Variants in FOXL2NB observed in about 807,000 individuals in gnomAD.
The protein encoded by FOXL2NB is FOXL2 neighbor, also known as FOXL2 neighbor protein.
FOXL2NB carries 10 observed loss-of-function variants against 7.4 expected under a neutral mutation model. The ratio of observed to expected loss-of-function variants is 1.34; its 90% CI spans 0.83 to 2.28. The LOEUF is 2.28. Among genes scored for constraint, FOXL2NB ranks in the 30% most tolerant of loss-of-function variants. FOXL2NB has a pLI of 0.00. For missense variants in FOXL2NB, 228 were observed against 233.9 expected (o/e 0.97, Z 0.17); for synonymous variants, 104 against 105.3 (o/e 0.99, Z 0.08).
intron 1 of FOXL2NB, among the ~76,000 whole-genome samples, chr3:138,948,496 G>A (rs1303570341): frequency 6.6e-6 from 1 of 152,232 alleles, no homozygotes; most frequent in East Asian, 1.9e-4. Context: ...GAGATGGCCA[G>A]TGTTTTGAAT....
Position 138,947,744 on chromosome 3 carries a change from T to G in FOXL2NB, c.100+280T>G. ...TCAGGGGCGCCGCCTGAATCACCTC[T>G]GCCTCTCCCTGCGTTACCAGTGGAT... On this transcript the variant is annotated intron_variant, in intron 1 of 2. Coordinates refer to ENST00000383165, the MANE Select transcript of FOXL2NB (RefSeq NM_001040061.3). The surrounding 1 kb of genome is among the most constrained non-coding windows in gnomAD (Gnocchi z 5.2). 1 of 1,166,324 alleles carries G rather than the reference T, an allele frequency of 8.6e-7. No homozygotes were observed. The highest frequency in any genetic ancestry group is 1.6e-5 in the African/African-American group (1 of 62,098). The allele number at this position is 1,166,324 out of a possible 1,614,324, so 72.2% of individuals were successfully genotyped here. A position where few individuals can be genotyped will look rare whatever the true frequency, so the allele number is the denominator to read the frequency against.
In FOXL2NB at chr3:138,949,544, G is replaced by A; in HGVS notation, c.125G>A (p.Arg42Lys). The change falls in exon 2 of 3, where the codon AGG becomes AAG. Residue 42 changes from arginine (R) to lysine (K), a missense_variant. Transcript: ENST00000383165. This position sits in a 1 kb window ranked among gnomAD's most constrained non-coding sequence, Gnocchi z 4.5. ...LSESPALVKK[R>K]MPDACTLGRA... ...GAATCCCCAGCCCTGGTGAAGAAGA[G>A]GATGCCTGATGCGTGCACCCTGGGA... The A allele has an allele frequency of 6.2e-7, 1 of 1,614,128 alleles. No individual in the cohort carries two copies. The highest frequency in any genetic ancestry group is 8.5e-7 in the Non-Finnish European group (1 of 1,180,016).
chr3:138,947,629 T>C lies in FOXL2NB; in HGVS notation c.100+165T>C. 3 of 1,392,340 alleles carry C rather than the reference T, an allele frequency of 2.2e-6. No homozygotes were observed. The highest frequency in any genetic ancestry group is 3.0e-5 in the African/African-American group (2 of 67,132). The allele number at this position is 1,392,340 out of a possible 1,614,324, so 86.2% of individuals were successfully genotyped here. A position where few individuals can be genotyped will look rare whatever the true frequency, so the allele number is the denominator to read the frequency against. On this transcript the variant is annotated intron_variant, in intron 1 of 2. Transcript: ENST00000383165. This position sits in a 1 kb window ranked among gnomAD's most constrained non-coding sequence, Gnocchi z 5.2. The stretch of plus-strand genomic sequence containing the variant: ...GTCAGCCCAGAAACGGGTGTGACTG[T>C]ACGAAGAAGCCTCGGCCTGGCCTGT...
rs1446819252 is a variant in FOXL2NB at position 138,949,723 on chromosome 3, G to A, written c.220+84G>A. The A allele has an allele frequency of 6.3e-7, 1 of 1,587,794 alleles. No homozygotes were observed. Among genetic ancestry groups the A allele is most frequent in the East Asian group, 2.2e-5 (1 of 44,740 alleles). ...TTCTGCGGAAAAGCCAGGGGCTTCG[G>A]GCTGGAGATAGAGGAATCTAGGGAG... On this transcript the variant is annotated intron_variant, in intron 2 of 2. Coordinates refer to ENST00000383165, the MANE Select transcript of FOXL2NB (RefSeq NM_001040061.3). This position sits in a 1 kb window ranked among gnomAD's most constrained non-coding sequence, Gnocchi z 4.5.
intron 2 of FOXL2NB, 159 bp from the exon 3 acceptor site, chr3:138,950,106 C>G: frequency 3.6e-6 from 3 of 824,728 alleles, no homozygotes; most frequent in Non-Finnish European, 6.1e-6. Flanking sequence ...TGACCGTGGT[C>G]CCACCGTAGC....
rs1936017399 is a variant in FOXL2NB, at chr3:138,947,655, C to G, written c.100+191C>G. 5 of 1,360,722 alleles carry G rather than the reference C, an allele frequency of 3.7e-6. No homozygotes were observed. Among genetic ancestry groups the G allele is most frequent in the Non-Finnish European group, 4.7e-6 (5 of 1,060,698 alleles). 84.3% of individuals were successfully genotyped at this position (1,360,722 alleles called of 1,614,324 possible). On this transcript the variant is annotated intron_variant, in intron 1 of 2. Coordinates refer to ENST00000383165, the MANE Select transcript of FOXL2NB (RefSeq NM_001040061.3). This position sits in a 1 kb window ranked among gnomAD's most constrained non-coding sequence, Gnocchi z 5.2. Reference sequence around the variant, plus strand: ...ACGAAGAAGCCTCGGCCTGGCCTGTCCCTCGCGCTCTCAGAGTGACTGGGC... The same window carrying G: ...ACGAAGAAGCCTCGGCCTGGCCTGTGCCTCGCGCTCTCAGAGTGACTGGGC...
Position 138,950,628 on chromosome 3 carries a change from C to A in FOXL2NB, c.*56C>A. On this transcript the variant is annotated 3_prime_UTR_variant, in exon 3 of 3. Transcript: ENST00000383165. ...CTGTCAGCACTCACTCCCTCCCGGC[C>A]CCTCACAGGGCCCTTTGCACCCACA... is the stretch of plus-strand genomic sequence containing the variant. 1 of 1,592,488 alleles carries A rather than the reference C, an allele frequency of 6.3e-7. No homozygotes were observed. The highest frequency in any genetic ancestry group is 8.6e-7 in the Non-Finnish European group (1 of 1,167,214).
chr3:138,947,326 G>A lies in FOXL2NB; in HGVS notation c.-39G>A. 6.6e-7 allele frequency: 1 copy of A among 1,510,372 alleles called. No homozygotes were observed. The highest frequency in any genetic ancestry group is 9.0e-7 in the Non-Finnish European group (1 of 1,115,758). 93.6% of individuals were successfully genotyped at this position (1,510,372 alleles called of 1,614,324 possible). A position where few individuals can be genotyped will look rare whatever the true frequency, so the allele number is the denominator to read the frequency against. On this transcript the variant is annotated 5_prime_UTR_variant, in exon 1 of 3. Coordinates refer to ENST00000383165, the MANE Select transcript of FOXL2NB (RefSeq NM_001040061.3). The surrounding 1 kb of genome is among the most constrained non-coding windows in gnomAD (Gnocchi z 5.2). ...CCGACAGCCAGGCTCACGCGCCCTT[G>A]AAATCTGCCGGTACTCGCTCTGCGG... is the stretch of plus-strand genomic sequence containing the variant.
rs1165975023 is a variant in FOXL2NB, at chr3:138,950,251, G to A, written c.221-14G>A. The stretch of plus-strand genomic sequence containing the variant: ...CAATCTACACGGCTCTGATACAGAC[G>A]CTTTTCTCCCCAGGGCCGGGAATCC... On this transcript the variant is annotated splice_polypyrimidine_tract_variant and intron_variant, in intron 2 of 2. Coordinates refer to ENST00000383165, the MANE Select transcript of FOXL2NB (RefSeq NM_001040061.3). 2 of 1,601,522 alleles carry A rather than the reference G, an allele frequency of 1.2e-6. No homozygotes were observed. The highest frequency in any genetic ancestry group is 1.8e-5 in the Admixed American group (1 of 56,412).
In FOXL2NB at chr3:138,952,935, G is replaced by A. The variant is rs752736084; in HGVS notation, c.*2363G>A. 1 of 151,888 alleles carries A rather than the reference G, an allele frequency of 6.6e-6. No individual in the cohort carries two copies. The highest frequency in any genetic ancestry group is 1.5e-5 in the Non-Finnish European group (1 of 67,998). 9.4% of individuals were successfully genotyped at this position (151,888 alleles called of 1,614,324 possible). On this transcript the variant is annotated 3_prime_UTR_variant, in exon 3 of 3. Transcript: ENST00000383165. Reference sequence around the variant, plus strand: ...TGAGATTTTGGTGCACTTGTCACCCGAGCATTGTACACGGTACCCAGTGTG... The same window carrying A: ...TGAGATTTTGGTGCACTTGTCACCCAAGCATTGTACACGGTACCCAGTGTG...
In FOXL2NB at chr3:138,947,451, C is replaced by T; in HGVS notation, c.87C>T (p.Ser29=). The T allele has an allele frequency of 7.1e-6, 11 of 1,543,894 alleles. No homozygotes were observed. The highest frequency in any genetic ancestry group is 8.8e-6 in the Non-Finnish European group (10 of 1,142,182). The change falls in exon 1 of 3, where the codon TCC becomes TCT. Residue 29 remains serine, a synonymous_variant. Coordinates refer to ENST00000383165, the MANE Select transcript of FOXL2NB (RefSeq NM_001040061.3). The surrounding 1 kb of genome is among the most constrained non-coding windows in gnomAD (Gnocchi z 5.2). The part of the protein sequence containing the change: ...GPQRGKALQA[S]SRLSESPALV... ...AGCGAGGAAAGGCGCTCCAAGCCTC[C>T]TCGCGGCTTTCAGGTGAAAGAAAAC...
Position 138,949,596 on chromosome 3 carries a change from G to T in FOXL2NB, c.177G>T (p.Met59Ile). Residue 59 changes from methionine to isoleucine, a missense_variant, in exon 2 of 3, where the codon ATG becomes ATT. Coordinates refer to ENST00000383165, the MANE Select transcript of FOXL2NB (RefSeq NM_001040061.3). The surrounding 1 kb of genome is among the most constrained non-coding windows in gnomAD (Gnocchi z 4.5). ...LGRAGIGLPK[M>I]CLHMAVRHSK... ...GGGCTGGAATCGGTCTCCCCAAGATGTGCCTTCACATGGCTGTCCGGCATT... is the reference window on the plus strand; with the variant it reads ...GGGCTGGAATCGGTCTCCCCAAGATTTGCCTTCACATGGCTGTCCGGCATT... 6.2e-7 allele frequency: 1 copy of T among 1,614,146 alleles called. No homozygotes were observed. Among genetic ancestry groups the T allele is most frequent in the Non-Finnish European group, 8.5e-7 (1 of 1,180,030 alleles).
At chr3:138,948,046 G>T in intron 1 of FOXL2NB, 9 of 922,796 alleles carry the variant, frequency 9.8e-6, no homozygotes, top group African/African-American at 1.8e-5. Flanking sequence ...GTATTTACGA[G>T]GTAAAACACA....
In FOXL2NB at chr3:138,950,508, T is replaced by A. The variant is rs775677766; in HGVS notation, c.464T>A (p.Leu155His). Reference protein sequence around the residue: ...ERERIELAATLCLEGWPLRCL... With the variant: ...ERERIELAATHCLEGWPLRCL... The stretch of plus-strand genomic sequence containing the variant: ...GAGAGAATAGAGCTTGCTGCAACCC[T>A]CTGCTTGGAGGGATGGCCTCTGCGG... Residue 155 changes from leucine to histidine, a missense_variant, in exon 3 of 3, where the codon CTC (leucine) becomes CAC (histidine). Leu to His is a moderately conservative substitution (Grantham distance 99). Transcript: ENST00000383165. The A allele has an allele frequency of 6.2e-7, 1 of 1,614,164 alleles. No individual in the cohort carries two copies. Among genetic ancestry groups the A allele is most frequent in the Non-Finnish European group, 8.5e-7 (1 of 1,180,022 alleles).
chr3:138,950,168 T>TCCCGCGCCTCCTCGCAGCCTGGC lies in FOXL2NB; in HGVS notation c.221-86_221-64dup, dbSNP rs769736183. ...ACCGCCGATTGAGCGCAGTCTCAGC[T>TCCCGCGCCTCCTCGCAGCCTGGC]CCCGCGCCTCCTCGCAGCCTGGCCC... On this transcript the variant is annotated intron_variant, in intron 2 of 2. Transcript: ENST00000383165. The TCCCGCGCCTCCTCGCAGCCTGGC allele has an allele frequency of 3.0e-6, 4 of 1,319,700 alleles. No individual in the cohort carries two copies. In the South Asian group the frequency reaches 4.9e-5, roughly 16 times the overall value. 81.7% of individuals were successfully genotyped at this position (1,319,700 alleles called of 1,614,324 possible).
chr3:138,950,805 A>C lies in FOXL2NB; in HGVS notation c.*233A>C, dbSNP rs992290882. 3.6e-6 allele frequency: 2 copies of C among 560,816 alleles called. No homozygotes were observed. Among genetic ancestry groups the C allele is most frequent in the Non-Finnish European group, 6.2e-6 (2 of 324,036 alleles). 34.7% of individuals were successfully genotyped at this position (560,816 alleles called of 1,614,324 possible). A position where few individuals can be genotyped will look rare whatever the true frequency, so the allele number is the denominator to read the frequency against. ...CTACACGTACTAATTCAGATTTTGC[A>C]CATGTTGGTGGAAAACATGTCAAGC... On this transcript the variant is annotated 3_prime_UTR_variant, in exon 3 of 3. Transcript: ENST00000383165.
chr3:138,949,391 CGT>C lies in FOXL2NB; in HGVS notation c.101-104_101-103del, dbSNP rs5852928. On this transcript the variant is annotated intron_variant, in intron 1 of 2. Transcript: ENST00000383165. The surrounding 1 kb of genome is among the most constrained non-coding windows in gnomAD (Gnocchi z 4.5). ...AAGAGCCTGTGTGTGTATGCATGTG[CGT>C]GTGTGTGTGTGTGTGTGTGTGTGTA... The C allele has an allele frequency of 0.072, 53,150 of 738,806 alleles. 8 individuals carry two copies. Among genetic ancestry groups the C allele is most frequent in the Middle Eastern group, 0.086 (214 of 2,486 alleles). The allele number at this position is 738,806 out of a possible 1,614,324, so 45.8% of individuals were successfully genotyped here. A position where few individuals can be genotyped will look rare whatever the true frequency, so the allele number is the denominator to read the frequency against.
Position 138,947,521 on chromosome 3 carries a change from C to T in FOXL2NB, c.100+57C>T. The T allele has an allele frequency of 1.3e-6, 2 of 1,511,036 alleles. No homozygotes were observed. Among genetic ancestry groups the T allele is most frequent in the Non-Finnish European group, 8.9e-7 (1 of 1,121,292 alleles). The allele number at this position is 1,511,036 out of a possible 1,614,324, so 93.6% of individuals were successfully genotyped here. On this transcript the variant is annotated intron_variant, in intron 1 of 2. Coordinates refer to ENST00000383165, the MANE Select transcript of FOXL2NB (RefSeq NM_001040061.3). This position sits in a 1 kb window ranked among gnomAD's most constrained non-coding sequence, Gnocchi z 5.2. ...TTGCTGCCGTCTTGAGGCTGAACTT[C>T]TAGCTCGGGGCTGGGGAGGGGCGAG...
chr3:138,949,683 A>G lies in FOXL2NB; in HGVS notation c.220+44A>G. On this transcript the variant is annotated intron_variant, in intron 2 of 2. Coordinates refer to ENST00000383165, the MANE Select transcript of FOXL2NB (RefSeq NM_001040061.3). This position sits in a 1 kb window ranked among gnomAD's most constrained non-coding sequence, Gnocchi z 4.5. ...GAAAGCTGGCAGAATGATTACTTTC[A>G]GGTCCCCTCCAGGCTTCTGCGGAAA... The G allele has an allele frequency of 6.2e-7, 1 of 1,613,336 alleles. No individual in the cohort carries two copies.
Sources: allele counts gnomAD v4.1 joint callset (sites outside exome capture counted in the v4.1 genomes callset), GRCh38; gene constraint gnomAD v4.1.1; non-coding constraint Gnocchi (gnomAD v3.1); transcripts MANE v1.5; gene names NCBI Gene and HGNC (gene_info 2026-07-23, HGNC 2026-07-21).